Variants in COL12A1 observed in about 807,000 individuals in gnomAD.
The protein encoded by COL12A1 is collagen alpha-1(XII) chain.
A neutral mutation model predicts 349.7 loss-of-function variants in COL12A1; 114 were observed. The observed-to-expected ratio is 0.33, with a 90% CI of 0.28 to 0.38. The LOEUF is 0.38. Among genes scored for constraint, COL12A1 ranks in the 10% least tolerant of loss-of-function variants. The pLI, the probability that COL12A1 is intolerant of heterozygous loss-of-function variation, is 1.00. For missense variants in COL12A1, 3,284 were observed against 3,756.9 expected (o/e 0.87, Z 3.29); for synonymous variants, 1,369 against 1,329.0 (o/e 1.03, Z -0.66).
At position 75,147,747 on chromosome 6, in the gene COL12A1, C is replaced by T. The variant is rs1208706222; in HGVS notation, c.4345G>A (p.Glu1449Lys). ...TVLKDLKPET[E>K]YVVNVYSVVE... ...ACAGAATACACATTGACAACATATTCAGTTTCAGGTTTCAGATCTTTCAGC... is the reference window on the plus strand; with the variant it reads ...ACAGAATACACATTGACAACATATTTAGTTTCAGGTTTCAGATCTTTCAGC... Residue 1449 changes from glutamate (E) to lysine (K), a missense_variant, in exon 23 of 66, where the codon GAA (glutamate) becomes AAA (lysine). Physicochemically the swap from Glu to Lys is moderately conservative, Grantham distance 56. Coordinates refer to ENST00000322507, the MANE Select transcript of COL12A1 (RefSeq NM_004370.6). 1 of 1,613,562 alleles carries T rather than the reference C, an allele frequency of 6.2e-7. No homozygotes were observed. Among genetic ancestry groups the T allele is most frequent in the South Asian group, 1.1e-5 (1 of 91,066 alleles).
At chr6:75,143,139 T>C (rs1766997333) in intron 26 of COL12A1, 113 bp downstream of exon 26, 2 of 1,251,492 alleles carry the variant, frequency 1.6e-6, no homozygotes, top group African/African-American at 1.5e-5. Flanking sequence ...CAACACTGTG[T>C]TAACAAAGTG....
Position 75,134,756 on chromosome 6 carries a change from C to T in COL12A1, c.5494G>A (p.Gly1832Arg), listed in dbSNP as rs1367939953. ...TTGCCTCTTCCCGTCATCCGACCTCCTTCACCATCAGGATACAGAGAGGAT... is the reference window on the plus strand; with the variant it reads ...TTGCCTCTTCCCGTCATCCGACCTCTTTCACCATCAGGATACAGAGAGGAT... ...TVSSLYPDGE[G>R]GRMTGRGKTK... The change falls in exon 32 of 66, where the codon GGA becomes AGA. Residue 1832 changes from glycine to arginine, a missense_variant. This residue lies in a region of COL12A1 where 2,601 missense variants were observed against 2,824.8 expected (regional missense o/e 0.92). Transcript: ENST00000322507. 6.2e-7 allele frequency: 1 copy of T among 1,609,156 alleles called. No homozygotes were observed. Among genetic ancestry groups the T allele is most frequent in the African/African-American group, 1.3e-5 (1 of 74,874 alleles).
rs1191443698 is a variant in COL12A1 at position 75,119,472 on chromosome 6, A to C, written c.7088T>G (p.Val2363Gly). The change falls in exon 45 of 66, where the codon GTT (valine) becomes GGT (glycine). Residue 2363 changes from valine (V) to glycine (G), a missense_variant and splice_region_variant. Physicochemically the swap from Val to Gly is moderately radical, Grantham distance 109. Around this residue, in one of 2 missense-constraint regions of COL12A1, gnomAD observed 683 missense variants for 932.1 expected, o/e 0.73. Transcript: ENST00000322507. ...CTCATCGCTGTATTGCACAAATGAA[A>C]CCTGAAGGAAAATGTGATTTGGCAG... ...FDEISPAGIQ[V>G]SFVQYSDEVK... The C allele has an allele frequency of 6.2e-7, 1 of 1,600,034 alleles. No homozygotes were observed. The highest frequency in any genetic ancestry group is 8.5e-7 in the Non-Finnish European group (1 of 1,174,126).
rs750973947 is a variant in COL12A1 at position 75,184,105 on chromosome 6, G to A, written c.1037C>T (p.Ser346Phe). Residue 346 changes from serine to phenylalanine, a missense_variant, in exon 9 of 66, where the codon TCT becomes TTT. Ser to Phe is a radical substitution (Grantham distance 155). Coordinates refer to ENST00000322507, the MANE Select transcript of COL12A1 (RefSeq NM_004370.6). Reference protein sequence around the residue: ...PPSNLIAMEVSSKYVKLNWNP... With the variant: ...PPSNLIAMEVFSKYVKLNWNP... ...CCAATTTAGCTTAACATATTTTGAA[G>A]AGACTTCCATGGCAATCAAATTTGA... 7.4e-6 allele frequency: 12 copies of A among 1,613,986 alleles called. No homozygotes were observed. The East Asian group carries it at 2.2e-4, about 30-fold the overall frequency.
chr6:75,135,401 A>C (rs1329682066), intron 31 of COL12A1, among the ~76,000 whole-genome samples: 1 of 152,204 alleles, frequency 6.6e-6, no homozygotes, highest in Admixed American at 6.5e-5. Context: ...ACCTTTTGCC[A>C]GGCCACACTC....
intron 63 of COL12A1, among the ~76,000 whole-genome samples, chr6:75,089,805 C>T (rs1309337053): frequency 6.6e-6 from 1 of 152,172 alleles, no homozygotes; most frequent in Non-Finnish European, 1.5e-5. Context: ...ACTCTTGCCG[C>T]AGTCACAGAG....
chr6:75,192,133 A>T (rs1769963139), intron 4 of COL12A1, 79 bp downstream of exon 4: 2 of 1,174,870 alleles, frequency 1.7e-6, no homozygotes, highest in Admixed American at 5.8e-5. Flanking sequence ...TTTGTATCAT[A>T]AAAGATTAAA....
At chr6:75,172,104 C>T (rs2149447366) in intron 13 of COL12A1, among the ~76,000 whole-genome samples, 1 of 152,054 alleles carries the variant, frequency 6.6e-6, no homozygotes, top group Middle Eastern at 3.4e-3. Flanking sequence ...TATGTGTTTC[C>T]CTTAGAGATT....
chr6:75,123,630 G>A lies in COL12A1; in HGVS notation c.6872-226C>T, dbSNP rs148708673. Among the ~76,000 whole-genome samples, 543 of 152,174 alleles carry A rather than the reference G, an allele frequency of 3.6e-3. 2 individuals carry two copies. The highest frequency in any genetic ancestry group is 5.0e-3 in the Non-Finnish European group (337 of 68,014). ...GCTACAGAAAATAAAGATCTAAAGG[G>A]AAAATGTAAGGCCTTCAGATAGGGT... On this transcript the variant is annotated intron_variant, in intron 42 of 65. Transcript: ENST00000322507.
In COL12A1 at chr6:75,184,077, A is replaced by T. The variant is rs1769480073; in HGVS notation, c.1065T>A (p.Asn355Lys). 1.9e-6 allele frequency: 3 copies of T among 1,614,048 alleles called. No individual in the cohort carries two copies. Among genetic ancestry groups the T allele is most frequent in the Admixed American group, 3.3e-5 (2 of 59,982 alleles). The change falls in exon 9 of 66, where the codon AAT becomes AAA. Residue 355 changes from asparagine to lysine, a missense_variant. Coordinates refer to ENST00000322507, the MANE Select transcript of COL12A1 (RefSeq NM_004370.6). Reference sequence around the variant, plus strand: ...AGCCAGTCACTGGACTAGGAGATGGATTCCAATTTAGCTTAACATATTTTG... The same window carrying T: ...AGCCAGTCACTGGACTAGGAGATGGTTTCCAATTTAGCTTAACATATTTTG... ...VSSKYVKLNW[N>K]PSPSPVTGYK...
At chr6:75,138,618 T>G in intron 28 of COL12A1, 38 bp from the exon 29 acceptor site, 1 of 1,608,662 alleles carries the variant, frequency 6.2e-7, no homozygotes, top group South Asian at 1.1e-5. Flanking sequence ...CACGCAAAAG[T>G]AAGTCTCCAC....
intron 8 of COL12A1, among the ~76,000 whole-genome samples, chr6:75,184,899 G>A (rs181969446): frequency 1.2e-4 from 19 of 152,278 alleles, no homozygotes; most frequent in Non-Finnish European, 2.4e-4. Context: ...CTTCCCGGAA[G>A]ATATAGTTAT....
intron 64 of COL12A1, among the ~76,000 whole-genome samples, 171 bp from the exon 65 acceptor site, chr6:75,087,918 A>C (rs1767583085): frequency 6.6e-6 from 1 of 152,238 alleles, no homozygotes; most frequent in Admixed American, 6.5e-5. Context: ...GGTGTGATGG[A>C]ACTTTCTTAC....
chr6:75,089,459 A>AC (rs1767654693), intron 63 of COL12A1, among the ~76,000 whole-genome samples: 1 of 152,188 alleles, frequency 6.6e-6, no homozygotes, highest in Non-Finnish European at 1.5e-5. Flanking sequence ...AGTAATCCTG[A>AC]AGAAATTGTT....
In COL12A1 at chr6:75,090,123, G is replaced by T; in HGVS notation, c.8928C>A (p.Pro2976=). 1 of 1,613,288 alleles carries T rather than the reference G, an allele frequency of 6.2e-7. No individual in the cohort carries two copies. Among genetic ancestry groups the T allele is most frequent in the East Asian group, 2.2e-5 (1 of 44,820 alleles). The change falls in exon 63 of 66, where the codon CCC becomes CCA. Residue 2976 remains proline (P), a synonymous_variant. Transcript: ENST00000322507. The surrounding 1 kb of genome is among the most constrained non-coding windows in gnomAD (Gnocchi z 4.1). ...GFPGTPGMQG[P]PGERGLPGEK... ...AGAAATGCCTACCTCGTTCCCCAGG[G>T]GGTCCCTGCATCCCTGGTGTGCCCG...
chr6:75,136,923 T>C (rs139341863), intron 31 of COL12A1, among the ~76,000 whole-genome samples: 1 of 151,982 alleles, frequency 6.6e-6, no homozygotes, highest in Non-Finnish European at 1.5e-5. Flanking sequence ...TCCATTTGGA[T>C]AATAGAAAAA....
At chr6:75,150,838 A>G (rs1767443045) in intron 21 of COL12A1, among the ~76,000 whole-genome samples, 1 of 152,132 alleles carries the variant, frequency 6.6e-6, no homozygotes, top group African/African-American at 2.4e-5. Context: ...TATATCCTCA[A>G]ATAAGCTAGA....
At position 75,115,805 on chromosome 6, in the gene COL12A1, G is replaced by T. The variant is rs761234963; in HGVS notation, c.7676C>A (p.Ala2559Glu). ...TTACGCTGTAGGCTGATTCACAAAC[G>T]CATTCTTCTGAATCCTGTATGCTGA... ...SYSAYRIQKN[A>E]FVNQPTADLH... The change falls in exon 49 of 66, where the codon GCG becomes GAG. Residue 2559 changes from alanine to glutamate, a missense_variant. Transcript: ENST00000322507. 1 of 1,612,034 alleles carries T rather than the reference G, an allele frequency of 6.2e-7. No individual in the cohort carries two copies. The highest frequency in any genetic ancestry group is 8.5e-7 in the Non-Finnish European group (1 of 1,179,128).
In COL12A1 at chr6:75,160,583, T is replaced by G. The variant is rs113390205; in HGVS notation, c.2984-4060A>C. Reference sequence around the variant, plus strand: ...GGTCCATGACTTCTTTCTTATTTACTTAGACATTTCAGCAGTTTTCACATA... The same window carrying G: ...GGTCCATGACTTCTTTCTTATTTACGTAGACATTTCAGCAGTTTTCACATA... On this transcript the variant is annotated intron_variant, in intron 14 of 65. Coordinates refer to ENST00000322507, the MANE Select transcript of COL12A1 (RefSeq NM_004370.6). Among the ~76,000 whole-genome samples the G allele has an allele frequency of 7.7e-3, 1,166 of 152,308 alleles. 13 individuals carry two copies. Among genetic ancestry groups the G allele is most frequent in the African/African-American group, 0.027 (1,104 of 41,562 alleles).
Sources: allele counts gnomAD v4.1 joint callset (sites outside exome capture counted in the v4.1 genomes callset), GRCh38; gene constraint gnomAD v4.1.1; regional missense constraint gnomAD v4.1.1; non-coding constraint Gnocchi (gnomAD v3.1); transcripts MANE v1.5; gene names NCBI Gene and HGNC (gene_info 2026-07-23, HGNC 2026-07-21).